The following LRRC37A2 variants were observed in gnomAD, a reference collection of about 807,000 sequenced individuals.
LRRC37A2 encodes the protein leucine rich repeat containing 37 member A2, also known as leucine-rich repeat-containing protein 37A2.
Under a neutral mutation model 68.8 loss-of-function variants are expected in LRRC37A2, and 9 were observed. The observed-to-expected ratio is 0.13, with a 90% CI of 0.08 to 0.23. The LOEUF (loss-of-function observed/expected upper bound fraction) is 0.23, where lower values mean the gene tolerates loss of function less well. LRRC37A2 is among the 10% of genes least tolerant of loss of function. The pLI is 1.00. For missense variants in LRRC37A2, 168 were observed against 950.4 expected (o/e 0.18, Z 10.82); for synonymous variants, 63 against 367.6 (o/e 0.17, Z 9.48).
the LRRC37A2 span, chr17:46,923,448 G>C: frequency 7.1e-7 from 1 of 1,413,028 alleles, no homozygotes; most frequent in Non-Finnish European, 9.2e-7. Flanking sequence ...TGACTCCTGG[G>C]GTCTGCAAGT....
At chr17:46,386,265 A>G in the LRRC37A2 span, among the ~76,000 whole-genome samples, 2 of 105,728 alleles carry the variant, frequency 1.9e-5, no homozygotes, top group South Asian at 8.6e-4. Context: ...TGTCCAGCAA[A>G]TTTTTTTATT....
chr17:46,976,999 C>T, the LRRC37A2 span, among the ~76,000 whole-genome samples: 1 of 152,172 alleles, frequency 6.6e-6, no homozygotes, highest in African/African-American at 2.4e-5. Flanking sequence ...GGCCTGAATT[C>T]TCCCAGGTCT....
the LRRC37A2 span, among the ~76,000 whole-genome samples, chr17:46,839,944 C>CTT: frequency 6.7e-6 from 1 of 148,868 alleles, no homozygotes; most frequent in Non-Finnish European, 1.5e-5. Context: ...TTCTTTCTTT[C>CTT]TTTCTTTCTT....
At chr17:46,673,951 G>A in the LRRC37A2 span, among the ~76,000 whole-genome samples, 1 of 16,974 alleles carries the variant, frequency 5.9e-5, no homozygotes, top group African/African-American at 1.3e-4. Context: ...GTGTGTGTGT[G>A]TGTATACACA....
exon 15 of LRRC37A2, chr17:46,555,611 C>T (rs2145942107): frequency 1.4e-6 from 1 of 701,238 alleles, no homozygotes; most frequent in Non-Finnish European, 2.0e-6. Flanking sequence ...AGGCCTCCTG[C>T]AAAAATACAT....
the LRRC37A2 span, among the ~76,000 whole-genome samples, chr17:46,852,389 AGTGTGTGTGT>A: frequency 0.014 from 1,458 of 105,362 alleles, 20 homozygotes; most frequent in East Asian, 0.031. Context: ...GAGAGGGCCC[AGTGTGTGTGT>A]GTGTGTGTGT....
the LRRC37A2 span, among the ~76,000 whole-genome samples, chr17:46,463,682 CA>C: frequency 1.3e-5 from 1 of 78,998 alleles, no homozygotes; most frequent in African/African-American, 5.5e-5. Flanking sequence ...TGGTCCCAGC[CA>C]CTTAGGAGGC....
At chr17:46,679,856 A>G in the LRRC37A2 span, among the ~76,000 whole-genome samples, 1 of 151,620 alleles carries the variant, frequency 6.6e-6, no homozygotes. Context: ...AACAAGACTC[A>G]AAGACAATGT....
the LRRC37A2 span, among the ~76,000 whole-genome samples, chr17:47,044,616 A>G: frequency 6.6e-6 from 1 of 150,984 alleles, no homozygotes; most frequent in Middle Eastern, 3.2e-3. Flanking sequence ...CTGATTCCAG[A>G]TGAAAGTTAT....
the LRRC37A2 span, among the ~76,000 whole-genome samples, chr17:46,914,581 G>T: frequency 1.3e-5 from 2 of 148,946 alleles, no homozygotes; most frequent in Admixed American, 1.4e-4. Context: ...AACCCGGAAG[G>T]CGGAGGTTGC....
At chr17:46,804,191 G>A in the LRRC37A2 span, among the ~76,000 whole-genome samples, 2 of 152,014 alleles carry the variant, frequency 1.3e-5, no homozygotes, top group Admixed American at 6.6e-5. Context: ...GGGTTCAAGC[G>A]ATTCTCCTGC....
At chr17:46,926,627 GTGTTA>G in the LRRC37A2 span, among the ~76,000 whole-genome samples, 2 of 152,210 alleles carry the variant, frequency 1.3e-5, no homozygotes, top group Non-Finnish European at 2.9e-5. Context: ...GACTTCCAGT[GTGTTA>G]TGTTGTGTTA....
the LRRC37A2 span, among the ~76,000 whole-genome samples, chr17:46,963,127 C>T: frequency 2.6e-5 from 4 of 152,214 alleles, no homozygotes; most frequent in African/African-American, 9.6e-5. Context: ...GGATGAAAAA[C>T]ACAAGACATT....
the LRRC37A2 span, among the ~76,000 whole-genome samples, chr17:46,863,328 T>C: frequency 1.3e-5 from 2 of 152,140 alleles, no homozygotes; most frequent in East Asian, 3.9e-4. Context: ...AGGGGCATAA[T>C]ATGCAGCCAG....
chr17:46,936,348 T>C, the LRRC37A2 span: 1 of 985,400 alleles, frequency 1.0e-6, no homozygotes, highest in Non-Finnish European at 1.2e-6. Context: ...AGGCACATGC[T>C]AACTTCCCAC....
the LRRC37A2 span, among the ~76,000 whole-genome samples, chr17:46,957,928 C>T: frequency 6.6e-6 from 1 of 152,168 alleles, no homozygotes; most frequent in African/African-American, 2.4e-5. Flanking sequence ...GTGTGCCTAG[C>T]ATGGCAATGG....
chr17:46,914,782 C>T, the LRRC37A2 span, among the ~76,000 whole-genome samples: 1 of 152,068 alleles, frequency 6.6e-6, no homozygotes, highest in African/African-American at 2.4e-5. Flanking sequence ...CACTGCCTGC[C>T]AGGAATGCCC....
At chr17:46,631,086 A>ACACACACACACACACG in the LRRC37A2 span, among the ~76,000 whole-genome samples, 14 of 145,806 alleles carry the variant, frequency 9.6e-5, no homozygotes, top group Admixed American at 4.7e-4. Flanking sequence ...ACACACACAC[A>ACACACACACACACACG]CACACACACA....
the LRRC37A2 span, among the ~76,000 whole-genome samples, chr17:46,403,731 C>A: frequency 1.1e-5 from 1 of 94,324 alleles, no homozygotes; most frequent in African/African-American, 3.6e-5. Context: ...TAGGGTCTCG[C>A]TCTGTTGCCC....
Sources: allele counts gnomAD v4.1 joint callset (sites outside exome capture counted in the v4.1 genomes callset), GRCh38; gene constraint gnomAD v4.1.1; transcripts MANE v1.5; gene names NCBI Gene and HGNC (gene_info 2026-07-23, HGNC 2026-07-21).